IL1RAPL2: variants seen among roughly 807,000 people sequenced by gnomAD.
IL1RAPL2 encodes interleukin 1 receptor accessory protein like 2, also known as X-linked interleukin-1 receptor accessory protein-like 2.
IL1RAPL2 carries 3 observed loss-of-function variants against 44.1 expected under a neutral mutation model. The ratio of observed to expected loss-of-function variants is 0.07; its 90% CI spans 0.03 to 0.18. The LOEUF is 0.18. Ranked by LOEUF, IL1RAPL2 falls within the 10% of genes least tolerant of loss-of-function variation. The pLI is 1.00. For synonymous variants in IL1RAPL2, 181 were observed against 178.8 expected, an observed-to-expected ratio of 1.01 and a Z score of -0.10; for missense variants, 391 against 496.4, an observed-to-expected ratio of 0.79 and a Z score of 2.02.
chrX:105,310,895 T>C (rs1262705139), intron 5 of IL1RAPL2, among the ~76,000 whole-genome samples: 1 of 111,774 alleles, frequency 8.9e-6, no homozygotes, highest in Non-Finnish European at 1.9e-5. Context: ...ATTCTACCAA[T>C]GCAGAAAAAG....
At chrX:104,914,680 A>C (rs1322859449) in intron 2 of IL1RAPL2, among the ~76,000 whole-genome samples, 1 of 110,707 alleles carries the variant, frequency 9.0e-6, no homozygotes, top group East Asian at 2.8e-4. Flanking sequence ...GTCGTCATTT[A>C]GCATTAGGTA....
chrX:105,160,758 G>A (rs1000420732), intron 2 of IL1RAPL2, among the ~76,000 whole-genome samples: 1 of 111,785 alleles, frequency 8.9e-6, no homozygotes, highest in Non-Finnish European at 1.9e-5. Context: ...CACCAAAAAG[G>A]CATCTAGGTT....
intron 2 of IL1RAPL2, among the ~76,000 whole-genome samples, chrX:105,150,541 C>T (rs2033217841): frequency 1.8e-5 from 2 of 111,931 alleles, no homozygotes; most frequent in Admixed American, 1.9e-4. Context: ...ACAGCTGTCT[C>T]AGTAGAAAGG....
intron 2 of IL1RAPL2, among the ~76,000 whole-genome samples, chrX:104,897,460 C>A (rs1314582687): frequency 8.9e-6 from 1 of 111,894 alleles, no homozygotes; most frequent in Non-Finnish European, 1.9e-5. Context: ...AATTTCTGGG[C>A]TCATAATCTG....
intron 2 of IL1RAPL2, among the ~76,000 whole-genome samples, chrX:104,838,172 C>A (rs1921793736): frequency 9.0e-6 from 1 of 111,636 alleles, no homozygotes; most frequent in African/African-American, 3.3e-5. Flanking sequence ...ATGCCTCCAG[C>A]TTTGTTCTTT....
chrX:104,822,171 G>A (rs1396907329), intron 2 of IL1RAPL2, among the ~76,000 whole-genome samples: 2 of 111,572 alleles, frequency 1.8e-5, no homozygotes, highest in Non-Finnish European at 3.8e-5. Context: ...TGGATAGATT[G>A]TAAAAATTTT....
chrX:105,310,722 T>C lies in IL1RAPL2; in HGVS notation c.697+43181T>C, dbSNP rs748416435. On this transcript the variant is annotated intron_variant, in intron 5 of 10. Coordinates refer to ENST00000372582, the MANE Select transcript of IL1RAPL2 (RefSeq NM_017416.2). ...ATTTATTATTTGGTATATGGTATAT[T>C]TAGAAATGTGTTAATTTCCATATGT... Among the ~76,000 whole-genome samples, 3 of 112,023 alleles carry C rather than the reference T, an allele frequency of 2.7e-5. No homozygotes were observed. The South Asian group carries it at 1.1e-3, about 41-fold the overall frequency.
chrX:104,871,293 T>A (rs1279915403), intron 2 of IL1RAPL2, among the ~76,000 whole-genome samples: 1 of 111,712 alleles, frequency 9.0e-6, no homozygotes. Flanking sequence ...CCTTTACAAC[T>A]GTTTTAAAAT....
rs782109199 is a variant in IL1RAPL2 at position 105,229,945 on chromosome X, G to A, written c.357-3873G>A. Among the ~76,000 whole-genome samples the A allele has an allele frequency of 6.3e-5, 7 of 111,302 alleles. No homozygotes were observed. In the East Asian group the frequency reaches 1.4e-3, roughly 23 times the overall value. On this transcript the variant is annotated intron_variant, in intron 3 of 10. Coordinates refer to ENST00000372582, the MANE Select transcript of IL1RAPL2 (RefSeq NM_017416.2). ...CTGGAGTAGCTGGGACCACAGGCGC[G>A]TGCCACCACGCCTGGCTAATTTTTT...
chrX:104,878,798 A>ATATTACTGG (rs1462501915), intron 2 of IL1RAPL2, among the ~76,000 whole-genome samples: 1 of 111,948 alleles, frequency 8.9e-6, no homozygotes, highest in African/African-American at 3.2e-5. Flanking sequence ...ATTCTAAAAA[A>ATATTACTGG]TATTACTGGG....
intron 2 of IL1RAPL2, among the ~76,000 whole-genome samples, chrX:104,873,487 T>C (rs946138447): frequency 8.9e-6 from 1 of 111,972 alleles, no homozygotes; most frequent in African/African-American, 3.2e-5. Flanking sequence ...GGCTTACCAA[T>C]AGAAGGTTGA....
intron 5 of IL1RAPL2, among the ~76,000 whole-genome samples, chrX:105,447,104 TATAAAAATATATATAA>T (rs2035963596): frequency 2.1e-5 from 1 of 48,331 alleles, no homozygotes; most frequent in African/African-American, 1.3e-4. Flanking sequence ...TATATATATA[TATAAAAATATATATAA>T]ATATAAATAT....
At chrX:105,712,398 A>G (rs1248664728) in intron 6 of IL1RAPL2, among the ~76,000 whole-genome samples, 1 of 111,279 alleles carries the variant, frequency 9.0e-6, no homozygotes, top group Admixed American at 9.6e-5. Flanking sequence ...AGCCTGTATC[A>G]GTTTATTCCC....
intron 2 of IL1RAPL2, among the ~76,000 whole-genome samples, chrX:104,823,670 G>A (rs1452795584): frequency 9.1e-6 from 1 of 109,905 alleles, no homozygotes; most frequent in Non-Finnish European, 1.9e-5. Flanking sequence ...CTGAGGAATC[G>A]CCACACTGAC....
intron 2 of IL1RAPL2, among the ~76,000 whole-genome samples, chrX:104,887,546 G>C (rs1459680572): frequency 9.0e-6 from 1 of 111,312 alleles, no homozygotes; most frequent in Non-Finnish European, 1.9e-5. Flanking sequence ...TACTCATGAC[G>C]TAAATGGCAT....
intron 2 of IL1RAPL2, among the ~76,000 whole-genome samples, chrX:104,749,952 T>G (rs1027992896): frequency 8.9e-6 from 1 of 111,929 alleles, no homozygotes; most frequent in African/African-American, 3.2e-5. Context: ...GAAAGTTTAG[T>G]GTTAGCCTGA....
At chrX:105,343,479 T>C (rs189525374) in intron 5 of IL1RAPL2, among the ~76,000 whole-genome samples, 67 of 112,156 alleles carry the variant, frequency 6.0e-4, no homozygotes, top group Non-Finnish European at 1.1e-3. Flanking sequence ...TATTATATCA[T>C]AAGCTTTTCC....
chrX:105,508,356 C>T (rs938494766), intron 6 of IL1RAPL2, among the ~76,000 whole-genome samples: 7 of 110,873 alleles, frequency 6.3e-5, no homozygotes, highest in African/African-American at 2.0e-4. Flanking sequence ...TAACTGGTTT[C>T]GGAAACAGTA....
intron 2 of IL1RAPL2, among the ~76,000 whole-genome samples, chrX:104,875,215 T>G (rs1325984754): frequency 9.0e-6 from 1 of 111,626 alleles, no homozygotes; most frequent in Non-Finnish European, 1.9e-5. Context: ...TTTCTTCTTG[T>G]GAACTTCTAG....
Sources: gnomAD v4.1 joint callset for allele counts (sites outside exome capture counted in the v4.1 genomes callset) on GRCh38, gnomAD v4.1.1 for gene constraint, MANE v1.5 for transcripts, NCBI Gene and HGNC (gene_info 2026-07-23, HGNC 2026-07-21) for gene names.